Variants in FBN1 observed in about 807,000 individuals in gnomAD.
FBN1 encodes the protein fibrillin 1.
A neutral mutation model predicts 365.1 loss-of-function variants in FBN1; 29 were observed. The observed-to-expected ratio is 0.08, with a 90% CI of 0.06 to 0.11. The LOEUF (loss-of-function observed/expected upper bound fraction) is 0.11. Ranked by LOEUF, FBN1 falls within the 10% of genes least tolerant of loss-of-function variation. The probability of loss-of-function intolerance (pLI) is 1.00; values close to 1 mark genes in which losing one functional copy is unlikely to be tolerated. For synonymous variants in FBN1, 1,210 were observed against 1,270.5 expected (o/e 0.95, Z 1.01); for missense variants, 2,476 against 3,703.2 (o/e 0.67, Z 8.60).
At chr15:48,496,678 T>G (rs1188509616) in intron 19 of FBN1, among the ~76,000 whole-genome samples, 1 of 152,214 alleles carries the variant, frequency 6.6e-6, no homozygotes, top group Admixed American at 6.5e-5. Flanking sequence ...GTTTCTTCCT[T>G]ATAATAATTC....
chr15:48,444,780 A>G, intron 48 of FBN1, 120 bp from the exon 49 acceptor site: 1 of 1,110,180 alleles, frequency 9.0e-7, no homozygotes, highest in Non-Finnish European at 1.3e-6. Context: ...TAAAGTTCAT[A>G]AAATTCCACC....
intron 6 of FBN1, among the ~76,000 whole-genome samples, chr15:48,578,427 C>T (rs1478281426): frequency 6.6e-6 from 1 of 152,096 alleles, no homozygotes; most frequent in Non-Finnish European, 1.5e-5. Context: ...GTTAATGTTC[C>T]ACTCCTAGGC....
intron 2 of FBN1, among the ~76,000 whole-genome samples, chr15:48,625,886 T>C (rs764149980): frequency 6.6e-6 from 1 of 152,210 alleles, no homozygotes; most frequent in Non-Finnish European, 1.5e-5. Flanking sequence ...TTCAGATTTA[T>C]CTTTACAATC....
At chr15:48,617,884 C>T (rs1889687985) in intron 2 of FBN1, among the ~76,000 whole-genome samples, 1 of 152,204 alleles carries the variant, frequency 6.6e-6, no homozygotes, top group South Asian at 2.1e-4. Flanking sequence ...GATAGCCTTT[C>T]TGTTTCCTAT....
In FBN1 at chr15:48,487,320, G is replaced by A. The variant is rs539103389; in HGVS notation, c.3455C>T (p.Ala1152Val). ...PGHQLSPNISACIDINECELS... is the reference protein window; with the variant it reads ...PGHQLSPNISVCIDINECELS... ...AAAGTCTTTCTCCTTACCGATACACGCGGAGATGTTGGGGGACAGCTGATG... is the reference window on the plus strand; with the variant it reads ...AAAGTCTTTCTCCTTACCGATACACACGGAGATGTTGGGGGACAGCTGATG... The change falls in exon 28 of 66, where the codon GCG (alanine) becomes GTG (valine). Residue 1152 changes from alanine to valine, a missense_variant. By Grantham distance (64) the Ala-to-Val change is moderately conservative. Coordinates refer to ENST00000316623, the MANE Select transcript of FBN1 (RefSeq NM_000138.5). The A allele has an allele frequency of 2.7e-5, 44 of 1,614,180 alleles. No individual in the cohort carries two copies. In the East Asian group the frequency reaches 3.1e-4, roughly 11 times the overall value.
chr15:48,618,394 A>G (rs2018854), intron 2 of FBN1, among the ~76,000 whole-genome samples: 17,863 of 152,234 alleles, frequency 0.12, 1,222 homozygotes, highest in Non-Finnish European at 0.15. Context: ...GAAGGGGCCC[A>G]TACTATTCTA....
At chr15:48,448,045 T>C (rs1361940110) in intron 46 of FBN1, among the ~76,000 whole-genome samples, 1 of 152,150 alleles carries the variant, frequency 6.6e-6, no homozygotes, top group African/African-American at 2.4e-5. Context: ...TCAGTGCTCT[T>C]GTCATTACTC....
At chr15:48,445,239 T>C in intron 48 of FBN1, 137 bp downstream of exon 48, 1 of 682,042 alleles carries the variant, frequency 1.5e-6, no homozygotes, top group Non-Finnish European at 2.5e-6. Flanking sequence ...AACAAGCCTT[T>C]ATAGGGAGGA....
chr15:48,468,262 TG>T, intron 37 of FBN1, 149 bp downstream of exon 37: 10 of 1,327,558 alleles, frequency 7.5e-6, no homozygotes, highest in Non-Finnish European at 1.1e-5. Flanking sequence ...ATTTTCCCTA[TG>T]GAAAAGATAT....
chr15:48,504,815 G>A (rs1183400657), intron 16 of FBN1, among the ~76,000 whole-genome samples: 1 of 152,134 alleles, frequency 6.6e-6, no homozygotes, highest in Non-Finnish European at 1.5e-5. Flanking sequence ...GGATAGGTGG[G>A]GATTCCCTTG....
chr15:48,414,284 C>G (rs1001157375), intron 64 of FBN1, among the ~76,000 whole-genome samples: 2 of 152,146 alleles, frequency 1.3e-5, no homozygotes, highest in African/African-American at 4.8e-5. Context: ...GTGCTTCCCA[C>G]GAAACATTCT....
chr15:48,644,307 T>C (rs1490684762), intron 2 of FBN1: 1 of 456,136 alleles, frequency 2.2e-6, no homozygotes. Context: ...TCTCCTCTTA[T>C]CCCACTCGCA....
chr15:48,566,047 C>T (rs1247870755), intron 6 of FBN1, among the ~76,000 whole-genome samples: 1 of 152,170 alleles, frequency 6.6e-6, no homozygotes, highest in Non-Finnish European at 1.5e-5. Flanking sequence ...GTACTCTGTA[C>T]ATTAGGTCAA....
At chr15:48,568,648 T>A (rs2044279877) in intron 6 of FBN1, among the ~76,000 whole-genome samples, 1 of 151,970 alleles carries the variant, frequency 6.6e-6, no homozygotes, top group South Asian at 2.1e-4. Flanking sequence ...GAACAGAGAT[T>A]AGATCAATGA....
At chr15:48,486,983 G>T in intron 29 of FBN1, 92 bp downstream of exon 29, 1 of 1,043,220 alleles carries the variant, frequency 9.6e-7, no homozygotes, top group Non-Finnish European at 1.3e-6. Flanking sequence ...TTTAGGGAGA[G>T]ATGAAATAAA....
Position 48,536,117 on chromosome 15 carries a change from A to AAAC in FBN1, c.736+1491_736+1493dup, listed in dbSNP as rs143695848. On this transcript the variant is annotated intron_variant, in intron 7 of 65. Coordinates refer to ENST00000316623, the MANE Select transcript of FBN1 (RefSeq NM_000138.5). ...ACCTGGTGGCAGAATCTCTTAGAAA[A>AAAC]AACAACAACAACAACAACAACAACA... Among the ~76,000 whole-genome samples the AAAC allele has an allele frequency of 3.3e-3, 493 of 148,494 alleles. 3 individuals carry two copies. The highest frequency in any genetic ancestry group is 9.6e-3 in the African/African-American group (366 of 38,070).
At chr15:48,495,037 G>T in intron 22 of FBN1, 86 bp downstream of exon 22, 2 of 1,516,236 alleles carry the variant, frequency 1.3e-6, no homozygotes, top group Non-Finnish European at 1.8e-6. Flanking sequence ...TCTCATGTGA[G>T]CCTAGATAAA....
chr15:48,602,804 A>C (rs934040434), intron 4 of FBN1, among the ~76,000 whole-genome samples: 1 of 152,208 alleles, frequency 6.6e-6, no homozygotes, highest in African/African-American at 2.4e-5. Flanking sequence ...TTTGAATAAT[A>C]TTCTAAGTAG....
intron 13 of FBN1, among the ~76,000 whole-genome samples, chr15:48,510,728 C>A (rs1001223632): frequency 1.3e-5 from 2 of 152,050 alleles, no homozygotes; most frequent in Non-Finnish European, 2.9e-5. Context: ...AGTATTCTAC[C>A]AACCAAATAA....
Sources: gnomAD v4.1 joint callset for allele counts (sites outside exome capture counted in the v4.1 genomes callset) on GRCh38, gnomAD v4.1.1 for gene constraint, MANE v1.5 for transcripts, NCBI Gene and HGNC (gene_info 2026-07-23, HGNC 2026-07-21) for gene names.